Variants in KCTD1 observed in about 807,000 individuals in gnomAD.
The protein encoded by KCTD1 is BTB/POZ domain-containing protein KCTD1.
In KCTD1, 24 loss-of-function variants were observed where a neutral mutation model predicts 66.0. The observed-to-expected ratio is 0.36, with a 90% CI of 0.26 to 0.51. The LOEUF (loss-of-function observed/expected upper bound fraction) is 0.51. Among genes scored for constraint, KCTD1 ranks in the 20% least tolerant of loss-of-function variants. KCTD1 has a pLI of 0.95. For synonymous variants in KCTD1, 511 were observed against 517.2 expected (o/e 0.99, Z 0.16); for missense variants, 943 against 1,205.2 (o/e 0.78, Z 3.22).
chr18:26,600,466 C>G, intron 1 of KCTD1: 1 of 648,946 alleles, frequency 1.5e-6, no homozygotes, highest in African/African-American at 1.8e-5. Context: ...AGAGTGGGTG[C>G]TTAGCAGACA....
chr18:26,501,713 T>C (rs1430546985), intron 1 of KCTD1, among the ~76,000 whole-genome samples: 1 of 152,258 alleles, frequency 6.6e-6, no homozygotes, highest in Non-Finnish European at 1.5e-5. Flanking sequence ...ACACCTGTGT[T>C]CTACAAAATG....
rs139401983 is a variant in KCTD1, at chr18:26,628,250, A to G, written c.-16+897T>C. 4.9e-3 allele frequency among the ~76,000 whole-genome samples: 743 copies of G among 152,240 alleles called. 6 individuals are homozygous for G. The highest frequency in any genetic ancestry group is 0.017 in the African/African-American group (709 of 41,552). Reference sequence around the variant, plus strand: ...ACAGGACCTAGACTAAATATTTCTAAGGTCATTTTTGGTAACAGGCCATGT... The same window carrying G: ...ACAGGACCTAGACTAAATATTTCTAGGGTCATTTTTGGTAACAGGCCATGT... On this transcript the variant is annotated intron_variant, in intron 1 of 4. Coordinates refer to the KCTD1 transcript ENST00000317932.
At chr18:26,588,995 C>T (rs1986535156) in intron 1 of KCTD1, among the ~76,000 whole-genome samples, 1 of 151,976 alleles carries the variant, frequency 6.6e-6, no homozygotes, top group Non-Finnish European at 1.5e-5. Flanking sequence ...GGAGGAAACC[C>T]ACTGATCTAA....
chr18:26,576,080 C>A (rs557121238), intron 1 of KCTD1, among the ~76,000 whole-genome samples: 2 of 152,204 alleles, frequency 1.3e-5, no homozygotes, highest in African/African-American at 2.4e-5. Context: ...CTCCAGGAAG[C>A]TTTGCTAACA....
chr18:26,591,425 A>G (rs939585571), intron 1 of KCTD1: 1 of 151,730 alleles, frequency 6.6e-6, no homozygotes, highest in Non-Finnish European at 1.5e-5. Flanking sequence ...GATACAAGAT[A>G]AAGCATGTTG....
Position 26,530,235 on chromosome 18 carries a change from C to G in KCTD1, c.1809+16493G>C, listed in dbSNP as rs566647436. ...TTTCCCTAAGAACTTCAATTTTGCC[C>G]TGTCAACCCTACACTTTGAATAAAT... On this transcript the variant is annotated intron_variant, in intron 1 of 4. Coordinates refer to ENST00000580059, the MANE Select transcript of KCTD1 (RefSeq NM_001142730.3). Among the ~76,000 whole-genome samples the G allele has an allele frequency of 4.6e-5, 7 of 152,316 alleles. No homozygotes were observed. The South Asian group carries it at 1.4e-3, about 32-fold the overall frequency.
chr18:26,551,662 T>C (rs1985571995), upstream of KCTD1, among the ~76,000 whole-genome samples: 1 of 152,040 alleles, frequency 6.6e-6, no homozygotes, highest in Non-Finnish European at 1.5e-5. Flanking sequence ...AAAAAAAAGT[T>C]GCTTAATTTT....
chr18:26,507,160 C>T (rs926350987), intron 1 of KCTD1, among the ~76,000 whole-genome samples: 9 of 152,050 alleles, frequency 5.9e-5, no homozygotes, highest in African/African-American at 2.2e-4. Flanking sequence ...AGCAAAACTC[C>T]GTCTCAATAA....
chr18:26,522,303 C>T (rs1983950539), intron 1 of KCTD1, among the ~76,000 whole-genome samples: 1 of 152,188 alleles, frequency 6.6e-6, no homozygotes, highest in South Asian at 2.1e-4. Flanking sequence ...GGGAACATGC[C>T]ACGTGAGCTT....
chr18:26,643,443 G>A (rs1407145607), upstream of KCTD1, among the ~76,000 whole-genome samples: 2 of 152,194 alleles, frequency 1.3e-5, no homozygotes, highest in African/African-American at 2.4e-5. Flanking sequence ...ATGGAGACAG[G>A]AAAGACAAGA....
chr18:26,642,663 T>C (rs1217875997), upstream of KCTD1, among the ~76,000 whole-genome samples: 1 of 152,220 alleles, frequency 6.6e-6, no homozygotes, highest in Non-Finnish European at 1.5e-5. Context: ...TTGGATTCAG[T>C]GACAGGCAGA....
At chr18:26,620,855 C>CA (rs1396438600) in intron 1 of KCTD1, among the ~76,000 whole-genome samples, 1 of 124,670 alleles carries the variant, frequency 8.0e-6, no homozygotes, top group Admixed American at 9.0e-5. Context: ...TTTTTTGAGA[C>CA]AGAGTCTCCC....
At chr18:26,568,379 G>C (rs1986030366) in intron 1 of KCTD1, among the ~76,000 whole-genome samples, 1 of 152,030 alleles carries the variant, frequency 6.6e-6, no homozygotes, top group Non-Finnish European at 1.5e-5. Context: ...TGGGACTACA[G>C]GCACGCACCA....
chr18:26,615,117 G>T (rs908080850), intron 1 of KCTD1, among the ~76,000 whole-genome samples: 1 of 152,182 alleles, frequency 6.6e-6, no homozygotes, highest in East Asian at 1.9e-4. Context: ...ACCTGGGCAG[G>T]GAAACGTTAT....
At chr18:26,546,555 A>C (rs1014223660) in intron 1 of KCTD1, among the ~76,000 whole-genome samples, 173 bp downstream of exon 1, 1 of 152,202 alleles carries the variant, frequency 6.6e-6, no homozygotes, top group East Asian at 1.9e-4. Context: ...GGTTAGGTGT[A>C]AAGTTTCCCA....
At chr18:26,614,744 A>T (rs1365266222) in intron 1 of KCTD1, among the ~76,000 whole-genome samples, 1 of 152,220 alleles carries the variant, frequency 6.6e-6, no homozygotes, top group African/African-American at 2.4e-5. Context: ...TCAGTCTCCT[A>T]TCCAGGAAAC....
chr18:26,607,177 G>A (rs1169970335), intron 1 of KCTD1, among the ~76,000 whole-genome samples: 1 of 152,158 alleles, frequency 6.6e-6, no homozygotes, highest in Non-Finnish European at 1.5e-5. Flanking sequence ...TGAGACGATA[G>A]GTGCAAGCCA....
intron 1 of KCTD1, among the ~76,000 whole-genome samples, chr18:26,594,770 G>A (rs1428424843): frequency 6.6e-6 from 1 of 152,140 alleles, no homozygotes. Flanking sequence ...CCCATCATGT[G>A]AGTGGGCCTC....
At chr18:26,542,716 A>G (rs1255330074) in intron 1 of KCTD1, among the ~76,000 whole-genome samples, 1 of 152,166 alleles carries the variant, frequency 6.6e-6, no homozygotes, top group Admixed American at 6.5e-5. Flanking sequence ...GGGGAGTCAA[A>G]TTTTAAAATC....
Sources: gnomAD v4.1 joint callset for allele counts (sites outside exome capture counted in the v4.1 genomes callset) on GRCh38, gnomAD v4.1.1 for gene constraint, MANE v1.5 for transcripts, NCBI Gene and HGNC (gene_info 2026-07-23, HGNC 2026-07-21) for gene names.